Variants in FAM184B observed in about 807,000 individuals in gnomAD.
The protein encoded by FAM184B is family with sequence similarity 184 member B.
In FAM184B, 111 loss-of-function variants were observed where a neutral mutation model predicts 135.9. The observed-to-expected ratio is 0.82, with a 90% CI of 0.70 to 0.96. The LOEUF is 0.96. Ranked by LOEUF, FAM184B falls within the 40% of genes least tolerant of loss-of-function variation. The pLI, the probability that FAM184B is intolerant of heterozygous loss-of-function variation, is 0.00. For missense variants in FAM184B, 1,375 were observed against 1,323.9 expected (o/e 1.04, Z -0.60); for synonymous variants, 552 against 524.8 (o/e 1.05, Z -0.71).
At chr4:17,636,409 G>A (rs1279127962) in intron 15 of FAM184B, 119 bp downstream of exon 15, 11 of 807,568 alleles carry the variant, frequency 1.4e-5, no homozygotes, top group Non-Finnish European at 2.0e-6. Flanking sequence ...GGCAAGAAAG[G>A]ATTCTTTGTA....
chr4:17,717,875 T>C (rs1421792683), intron 1 of FAM184B, among the ~76,000 whole-genome samples: 1 of 152,184 alleles, frequency 6.6e-6, no homozygotes, highest in Non-Finnish European at 1.5e-5. Context: ...GTCTTTTCAA[T>C]TAATCTATTT....
At chr4:17,711,704 T>C (rs1263061451) in intron 1 of FAM184B, among the ~76,000 whole-genome samples, 3 of 151,772 alleles carry the variant, frequency 2.0e-5, no homozygotes, top group African/African-American at 4.8e-5. Context: ...GGAATAACAA[T>C]AGATAATAAA....
chr4:17,752,760 C>T (rs184581122), intron 1 of FAM184B, among the ~76,000 whole-genome samples: 8 of 152,268 alleles, frequency 5.3e-5, no homozygotes, highest in Admixed American at 2.0e-4. Flanking sequence ...ACTATCAAAC[C>T]GATACATATG....
intron 7 of FAM184B, among the ~76,000 whole-genome samples, chr4:17,679,899 A>G (rs942495611): frequency 2.0e-5 from 3 of 152,214 alleles, no homozygotes; most frequent in Admixed American, 6.5e-5. Flanking sequence ...ATTGGAGACC[A>G]TTATTCTAAG....
chr4:17,764,617 GA>G (rs1189651946), intron 1 of FAM184B, among the ~76,000 whole-genome samples: 1 of 152,180 alleles, frequency 6.6e-6, no homozygotes, highest in African/African-American at 2.4e-5. Context: ...GTTTAACAGC[GA>G]AAAGTCCAAC....
intron 1 of FAM184B, among the ~76,000 whole-genome samples, chr4:17,746,725 C>T (rs62412703): frequency 0.28 from 38,856 of 140,686 alleles, 5,419 homozygotes; most frequent in Middle Eastern, 0.35. Flanking sequence ...GAGCGAGACA[C>T]GGTCTCAAAA....
intron 1 of FAM184B, among the ~76,000 whole-genome samples, chr4:17,715,191 G>A (rs1223233006): frequency 7.9e-5 from 12 of 151,906 alleles, no homozygotes; most frequent in African/African-American, 2.9e-4. Flanking sequence ...AATTAATGTT[G>A]GGGCCAGGCT....
At chr4:17,755,309 AG>A (rs1441219703) in intron 1 of FAM184B, among the ~76,000 whole-genome samples, 2 of 152,260 alleles carry the variant, frequency 1.3e-5, no homozygotes, top group Non-Finnish European at 2.9e-5. Flanking sequence ...TTGAAAAAAA[AG>A]CTCATCATCA....
chr4:17,780,742 A>G (rs1185708589), intron 1 of FAM184B, among the ~76,000 whole-genome samples: 3 of 152,094 alleles, frequency 2.0e-5, no homozygotes, highest in Non-Finnish European at 4.4e-5. Flanking sequence ...TGACGCAAAT[A>G]TTTGTTGAAT....
Position 17,708,944 on chromosome 4 carries a change from C to G in FAM184B, c.842G>C (p.Arg281Pro), listed in dbSNP as rs981239837. 1.9e-6 allele frequency: 3 copies of G among 1,546,412 alleles called. No individual in the cohort carries two copies. The highest frequency in any genetic ancestry group is 4.0e-5 in the Admixed American group (2 of 50,544). ...GTACTTCTTCAGGTCACTTATCTTG[C>G]GGCCTCTGTGCTCCAGGTCTCCTTC... ...KLEGDLEHRG[R>P]KISDLKKYAQ... The change falls in exon 2 of 18, where the codon CGC becomes CCC. Residue 281 changes from arginine (R) to proline (P), a missense_variant. Arg to Pro is a moderately radical substitution (Grantham distance 103). Transcript: ENST00000265018.
chr4:17,723,950 C>T (rs1424224277), intron 1 of FAM184B, among the ~76,000 whole-genome samples: 2 of 152,222 alleles, frequency 1.3e-5, no homozygotes. Flanking sequence ...TCATCACATC[C>T]GGGGCAGCAA....
intron 7 of FAM184B, among the ~76,000 whole-genome samples, chr4:17,666,365 G>A (rs528663750): frequency 1.1e-4 from 16 of 144,764 alleles, no homozygotes; most frequent in Non-Finnish European, 1.6e-4. Context: ...GTGCAGTGGC[G>A]CAATTTCAGC....
intron 1 of FAM184B, among the ~76,000 whole-genome samples, chr4:17,728,583 C>T (rs1411548164): frequency 6.6e-6 from 1 of 151,672 alleles, no homozygotes; most frequent in Non-Finnish European, 1.5e-5. Flanking sequence ...AAGCAGGTGT[C>T]CTGAAGGGTG....
At chr4:17,758,443 C>A (rs1718467857) in intron 1 of FAM184B, among the ~76,000 whole-genome samples, 1 of 152,230 alleles carries the variant, frequency 6.6e-6, no homozygotes, top group South Asian at 2.1e-4. Context: ...TAACTGACTG[C>A]CTACCTGTAG....
chr4:17,705,585 A>G (rs1052493739), intron 4 of FAM184B, among the ~76,000 whole-genome samples, 167 bp downstream of exon 4: 2 of 152,214 alleles, frequency 1.3e-5, no homozygotes, highest in African/African-American at 4.8e-5. Flanking sequence ...GGTTTCCAGT[A>G]GCATGGAGTA....
At chr4:17,691,486 G>A (rs56130201) in intron 6 of FAM184B, among the ~76,000 whole-genome samples, 2,400 of 151,974 alleles carry the variant, frequency 0.016, 53 homozygotes, top group African/African-American at 0.053. Context: ...AGGAGTTCGC[G>A]ACCAGCCTGG....
At position 17,667,695 on chromosome 4, in the gene FAM184B, C is replaced by T. The variant is rs185245652; in HGVS notation, c.1597-3036G>A. On this transcript the variant is annotated intron_variant, in intron 7 of 17. Transcript: ENST00000265018. ...ACTCTGCTAAGCCAGAACTACACTT[C>T]CCAGGACTTTCTTCCCTACATACTC... Among the ~76,000 whole-genome samples, 163 of 152,330 alleles carry T rather than the reference C, an allele frequency of 1.1e-3. 2 individuals are homozygous for T. The South Asian group carries it at 0.023, about 21-fold the overall frequency.
In FAM184B at chr4:17,774,832, G is replaced by A. The variant is rs958397649; in HGVS notation, c.141+6327C>T. Among the ~76,000 whole-genome samples, 4 of 151,970 alleles carry A rather than the reference G, an allele frequency of 2.6e-5. No homozygotes were observed. The South Asian group carries it at 6.2e-4, about 24-fold the overall frequency. On this transcript the variant is annotated intron_variant, in intron 1 of 17. Coordinates refer to ENST00000265018, the MANE Select transcript of FAM184B (RefSeq NM_015688.2). ...TCCACATACTCTTTTACTCAGAATCGCCTATTTTACCCCATTTTGTCTCAT... is the reference window on the plus strand; with the variant it reads ...TCCACATACTCTTTTACTCAGAATCACCTATTTTACCCCATTTTGTCTCAT...
intron 1 of FAM184B, among the ~76,000 whole-genome samples, chr4:17,771,094 AT>A (rs1365374424): frequency 2.0e-5 from 3 of 152,184 alleles, no homozygotes; most frequent in Non-Finnish European, 4.4e-5. Context: ...TTCTATGAAC[AT>A]TCTTGCGTCA....
Sources: allele counts gnomAD v4.1 joint callset (sites outside exome capture counted in the v4.1 genomes callset), GRCh38; gene constraint gnomAD v4.1.1; transcripts MANE v1.5; gene names NCBI Gene and HGNC (gene_info 2026-07-23, HGNC 2026-07-21).